Variants in RSPH3 observed in about 807,000 individuals in gnomAD.
RSPH3 encodes the protein radial spoke head 3.
A neutral mutation model predicts 43.8 loss-of-function variants in RSPH3; 21 were observed. The observed-to-expected ratio is 0.48, with a 90% confidence interval of 0.34 to 0.69. The LOEUF is 0.69. Among genes scored for constraint, RSPH3 ranks in the 30% least tolerant of loss-of-function variants. RSPH3 has a pLI of 0.01. For missense variants in RSPH3, 487 were observed against 516.0 expected, an observed-to-expected ratio of 0.94 and a Z score of 0.54; for synonymous variants, 173 against 179.8, an observed-to-expected ratio of 0.96 and a Z score of 0.30.
chr6:158,985,707 G>A lies in RSPH3; in HGVS notation c.346+573C>T, dbSNP rs1778207510. The stretch of plus-strand genomic sequence containing the variant: ...TGGGATTACAGATGTGAGCCACCGT[G>A]CTTGGCCAAAATTCTTCTTTTTGTT... On this transcript the variant is annotated intron_variant, in intron 3 of 7. Transcript: ENST00000367069. Among the ~76,000 whole-genome samples, 4 of 151,720 alleles carry A rather than the reference G, an allele frequency of 2.6e-5. No individual in the cohort carries two copies. In the South Asian group the frequency reaches 8.3e-4, roughly 32 times the overall value.
rs140774791 is a variant in RSPH3 at position 158,976,814 on chromosome 6, C to CT, written c.*723dup. ...AGCACAACGTTTAGGCATTCTCTCT[C>CT]TTTTTTTTCTTTTTTTTTTGAGACG... On this transcript the variant is annotated 3_prime_UTR_variant, in exon 8 of 8. Coordinates refer to ENST00000367069, the MANE Select transcript of RSPH3 (RefSeq NM_031924.8). The CT allele has an allele frequency of 0.13, 19,977 of 152,312 alleles. 2,013 individuals are homozygous for CT. The highest frequency in any genetic ancestry group is 0.41 in the East Asian group (2,137 of 5,168). 9.4% of individuals were successfully genotyped at this position (152,312 alleles called of 1,614,324 possible).
the RSPH3 span, among the ~76,000 whole-genome samples, chr6:158,964,872 A>G: frequency 1.3e-5 from 2 of 152,166 alleles, no homozygotes; most frequent in African/African-American, 2.4e-5. Flanking sequence ...GATGTCATAT[A>G]TAAGAAACCA....
At position 158,989,139 on chromosome 6, in the gene RSPH3, T is replaced by C. The variant is rs1467069529; in HGVS notation, c.205-2718A>G. Among the ~76,000 whole-genome samples, 4 of 152,036 alleles carry C rather than the reference T, an allele frequency of 2.6e-5. No individual in the cohort carries two copies. The highest frequency in any genetic ancestry group is 4.8e-5 in the African/African-American group (2 of 41,406). ...TTGGCTCACTGCAACCTCTGCCTCCTGGGTTCAAGCGATTCTCCTGACTCA... is the reference window on the plus strand; with the variant it reads ...TTGGCTCACTGCAACCTCTGCCTCCCGGGTTCAAGCGATTCTCCTGACTCA... On this transcript the variant is annotated intron_variant, in intron 2 of 7. Transcript: ENST00000367069. The surrounding 1 kb of genome is among the most constrained non-coding windows in gnomAD (Gnocchi z 4.3).
chr6:158,998,885 A>C (rs1562569638), intron 1 of RSPH3, among the ~76,000 whole-genome samples: 1 of 151,396 alleles, frequency 6.6e-6, no homozygotes, highest in African/African-American at 2.4e-5. Context: ...CAACAACAGC[A>C]ACCACCACCA....
intron 1 of RSPH3, 89 bp downstream of exon 1, chr6:158,999,346 C>T: frequency 5.0e-6 from 6 of 1,207,586 alleles, no homozygotes; most frequent in Non-Finnish European, 6.7e-6. Flanking sequence ...ACAGCATAAG[C>T]AGCTTTTTTG....
intron 1 of RSPH3, among the ~76,000 whole-genome samples, chr6:158,998,470 AAAAAAAAAAAAG>A (rs1409051927): frequency 3.6e-5 from 4 of 109,634 alleles, no homozygotes; most frequent in African/African-American, 7.2e-5. Context: ...CTCCGTCTCA[AAAAAAAAAAAAG>A]AAAAAAAAAA....
Position 158,978,614 on chromosome 6 carries a change from C to T in RSPH3, c.860-268G>A, listed in dbSNP as rs535878533. Among the ~76,000 whole-genome samples the T allele has an allele frequency of 8.3e-4, 126 of 152,216 alleles. 1 individual carries two copies. The highest frequency in any genetic ancestry group is 3.0e-3 in the African/African-American group (123 of 41,520). On this transcript the variant is annotated intron_variant, in intron 6 of 7. Coordinates refer to ENST00000367069, the MANE Select transcript of RSPH3 (RefSeq NM_031924.8). ...GGAGTGCGGTGGCGCGATCTCTGCT[C>T]ACTGCAACCTCCGCTTCCCAGGTTC...
intron 3 of RSPH3, among the ~76,000 whole-genome samples, chr6:158,985,258 T>C (rs1295081315): frequency 6.6e-6 from 1 of 152,084 alleles, no homozygotes; most frequent in Admixed American, 6.6e-5. Flanking sequence ...GAGGCTGGTG[T>C]GAGAGGCAGA....
chr6:158,983,616 C>T (rs943446185), intron 4 of RSPH3, 46 bp downstream of exon 4: 11 of 1,461,672 alleles, frequency 7.5e-6, no homozygotes, highest in Non-Finnish European at 1.1e-5. Flanking sequence ...CTAACTTTAC[C>T]TCATTTATAA....
chr6:158,996,771 T>C (rs1057135583), intron 1 of RSPH3, among the ~76,000 whole-genome samples: 1 of 152,218 alleles, frequency 6.6e-6, no homozygotes, highest in Non-Finnish European at 1.5e-5. Context: ...TATGGTCATT[T>C]AGTTACTCAC....
downstream of RSPH3, among the ~76,000 whole-genome samples, chr6:158,972,413 A>G (rs1777703601): frequency 6.6e-6 from 1 of 152,226 alleles, no homozygotes; most frequent in African/African-American, 2.4e-5. Context: ...GCACCCCTAC[A>G]GAGCTGGCAG....
chr6:158,963,221 A>C, the RSPH3 span, among the ~76,000 whole-genome samples: 1 of 152,236 alleles, frequency 6.6e-6, no homozygotes, highest in East Asian at 1.9e-4. Context: ...AGGCAATGTT[A>C]TAAGTGATAA....
chr6:158,980,919 C>T lies in RSPH3; in HGVS notation c.714G>A (p.Gln238=). 1.9e-6 allele frequency: 3 copies of T among 1,614,102 alleles called. No individual in the cohort carries two copies. The highest frequency in any genetic ancestry group is 2.5e-6 in the Non-Finnish European group (3 of 1,179,992). The change falls in exon 6 of 8, where the codon CAG becomes CAA. Residue 238 remains glutamine (Q), a synonymous_variant. Coordinates refer to ENST00000367069, the MANE Select transcript of RSPH3 (RefSeq NM_031924.8). ...TGTGCTTGTGCATTATTTCCCACTG[C>T]TGTTTCTTACGCCGTTCCTGCCAAG... ...HREEKERRKK[Q]QWEIMHKHNE...
intron 4 of RSPH3, 146 bp from the exon 5 acceptor site, chr6:158,982,834 C>A: frequency 1.7e-6 from 1 of 586,170 alleles, no homozygotes; most frequent in African/African-American, 1.9e-5. Flanking sequence ...TTCATGGTTT[C>A]TAATCCTCAA....
chr6:158,999,971 C>G lies in RSPH3; in HGVS notation c.-421G>C. 3 of 1,592,558 alleles carry G rather than the reference C, an allele frequency of 1.9e-6. No individual in the cohort carries two copies. The highest frequency in any genetic ancestry group is 2.6e-6 in the Non-Finnish European group (3 of 1,168,646). On this transcript the variant is annotated 5_prime_UTR_variant, in exon 1 of 8. Transcript: ENST00000367069. ...GGGAGGCGGCCTTGGCTGGCTTGAC[C>G]GTCATCCTTGAGGCCTGCGGGGCAA...
rs963038636 is a variant in RSPH3 at position 158,999,679 on chromosome 6, A to G, written c.-129T>C. On this transcript the variant is annotated 5_prime_UTR_variant, in exon 1 of 8. Transcript: ENST00000367069. ...GGATTCCGCGACGCGAGGAGAGGCG[A>G]CAACAAGGGAGGCGGGCGGGACGGG... 4.3e-6 allele frequency: 7 copies of G among 1,613,954 alleles called. No individual in the cohort carries two copies. The highest frequency in any genetic ancestry group is 5.9e-6 in the Non-Finnish European group (7 of 1,179,994).
In RSPH3 at chr6:158,985,811, TC is replaced by T. The variant is rs1368093114; in HGVS notation, c.346+468del. ...TAGTCTATGTATTTCTCTCTCTCTCTCTCTCTTTTTTTTTTTTTTGAGATGG... is the reference window on the plus strand; with the variant it reads ...TAGTCTATGTATTTCTCTCTCTCTCTTCTCTTTTTTTTTTTTTTGAGATGG... On this transcript the variant is annotated intron_variant, in intron 3 of 7. Transcript: ENST00000367069. Among the ~76,000 whole-genome samples the T allele has an allele frequency of 9.3e-4, 138 of 148,066 alleles. No individual in the cohort carries two copies. In the Middle Eastern group the frequency reaches 0.011, roughly 11 times the overall value.
the RSPH3 span, among the ~76,000 whole-genome samples, chr6:158,967,178 T>G: frequency 6.6e-6 from 1 of 151,828 alleles, no homozygotes; most frequent in Non-Finnish European, 1.5e-5. Context: ...GCCTGGCTAA[T>G]TTTTGTATTT....
At chr6:158,983,855 C>G (rs1778120674) in intron 3 of RSPH3, 48 bp from the exon 4 acceptor site, 7 of 1,377,944 alleles carry the variant, frequency 5.1e-6, no homozygotes, top group Non-Finnish European at 7.2e-6. Flanking sequence ...GGTCTAAGGC[C>G]AGGCATGGTA....
Sources: gnomAD v4.1 joint callset for allele counts (sites outside exome capture counted in the v4.1 genomes callset) on GRCh38, gnomAD v4.1.1 for gene constraint, Gnocchi (gnomAD v3.1) non-coding constraint, MANE v1.5 for transcripts, NCBI Gene and HGNC (gene_info 2026-07-23, HGNC 2026-07-21) for gene names.